HDAC9: variants seen among roughly 807,000 people sequenced by gnomAD.
HDAC9 encodes MEF-2 interacting transcription repressor (MITR) protein.
Under a neutral mutation model 139.4 loss-of-function variants are expected in HDAC9, and 41 were observed. The ratio of observed to expected loss-of-function variants is 0.29; its 90% confidence interval spans 0.23 to 0.38. The LOEUF (loss-of-function observed/expected upper bound fraction) is 0.38, where lower values mean the gene tolerates loss of function less well. Ranked by LOEUF, HDAC9 falls within the 10% of genes least tolerant of loss-of-function variation. The pLI is 1.00. For missense variants in HDAC9, 1,147 were observed against 1,297.0 expected, an observed-to-expected ratio of 0.88 and a Z score of 1.78; for synonymous variants, 517 against 476.2, an observed-to-expected ratio of 1.09 and a Z score of -1.12.
intron 1 of HDAC9, among the ~76,000 whole-genome samples, chr7:18,294,570 A>G (rs1407018098): frequency 6.6e-6 from 1 of 152,138 alleles, no homozygotes; most frequent in Non-Finnish European, 1.5e-5. Context: ...AAAGGTCAGC[A>G]TGGCTGAAAC....
At chr7:18,729,914 A>G (rs899959021) in intron 13 of HDAC9, among the ~76,000 whole-genome samples, 1 of 152,224 alleles carries the variant, frequency 6.6e-6, no homozygotes, top group African/African-American at 2.4e-5. Flanking sequence ...ATAAACACGA[A>G]TTTACTAGTT....
At chr7:18,778,528 A>T (rs116840690) in intron 16 of HDAC9, among the ~76,000 whole-genome samples, 1 of 152,048 alleles carries the variant, frequency 6.6e-6, no homozygotes, top group Non-Finnish European at 1.5e-5. Context: ...CACAGTGTGG[A>T]CATCAGATTA....
chr7:18,257,972 C>G (rs946709060), intron 2 of HDAC9, among the ~76,000 whole-genome samples: 1 of 152,276 alleles, frequency 6.6e-6, no homozygotes, highest in South Asian at 2.1e-4. Flanking sequence ...GAAAGGCAGA[C>G]TCTCCAACCC....
At chr7:18,290,548 C>G (rs1797738385) in intron 1 of HDAC9, 1 of 456,370 alleles carries the variant, frequency 2.2e-6, no homozygotes, top group Non-Finnish European at 4.4e-6. Context: ...TTTAAGAGAA[C>G]TGTGAAAAAG....
intron 1 of HDAC9, among the ~76,000 whole-genome samples, chr7:18,294,116 T>G (rs1302427994): frequency 6.6e-6 from 1 of 152,144 alleles, no homozygotes; most frequent in African/African-American, 2.4e-5. Flanking sequence ...AATCACAGTT[T>G]GTGCCCTCAG....
rs1783294111 is a variant in HDAC9, at chr7:18,699,383, CGT to C, written c.1732-28192_1732-28191del. 1.1e-4 allele frequency among the ~76,000 whole-genome samples: 17 copies of C among 151,344 alleles called. No individual in the cohort carries two copies. The South Asian group carries it at 3.3e-3, about 30-fold the overall frequency. On this transcript the variant is annotated intron_variant, in intron 12 of 25. Coordinates refer to ENST00000686413, the MANE Select transcript of HDAC9 (RefSeq NM_178425.4). Reference sequence around the variant, plus strand: ...GTGTGTCTGTGTGTGTGTGCGTGTACGTGTGTTTGTGTGTGTGTGTACGTGTG... The same window carrying C: ...GTGTGTCTGTGTGTGTGTGCGTGTACGTGTTTGTGTGTGTGTGTACGTGTG...
chr7:18,654,862 A>G (rs563659759), intron 11 of HDAC9, among the ~76,000 whole-genome samples: 1 of 152,232 alleles, frequency 6.6e-6, no homozygotes, highest in South Asian at 2.1e-4. Flanking sequence ...TTGCACGTGG[A>G]CCTGACGGTG....
intron 1 of HDAC9, among the ~76,000 whole-genome samples, chr7:18,113,776 TTGAAACATAGTAAGATA>T (rs1783787257): frequency 6.6e-6 from 1 of 152,254 alleles, no homozygotes; most frequent in Non-Finnish European, 1.5e-5. Flanking sequence ...TTTCTCTCAG[TTGAAACATAGTAAGATA>T]CAGAGCTTTT....
At position 18,593,923 on chromosome 7, in the gene HDAC9, A is replaced by G; in HGVS notation, c.558A>G (p.Thr186=). ...PKLWYTAAHH[T]SLDQSSPPLS... ...TCTTTTCTAGGGCTGCCCACCACAC[A>G]TCATTGGATCAAAGCTCTCCACCCC... is the stretch of plus-strand genomic sequence containing the variant. Residue 186 remains threonine (T), a synonymous_variant, in exon 6 of 26, where the codon ACA becomes ACG. Transcript: ENST00000686413. 6.2e-7 allele frequency: 1 copy of G among 1,612,862 alleles called. No individual in the cohort carries two copies. Among genetic ancestry groups the G allele is most frequent in the East Asian group, 2.2e-5 (1 of 44,874 alleles).
At position 18,705,859 on chromosome 7, in the gene HDAC9, A is replaced by AAAACT. The variant is rs1381163821; in HGVS notation, c.1732-21718_1732-21717insCTAAA. Among the ~76,000 whole-genome samples, 15 of 142,788 alleles carry AAAACT rather than the reference A, an allele frequency of 1.1e-4. 1 individual carries two copies. The highest frequency in any genetic ancestry group is 7.5e-5 in the Non-Finnish European group (5 of 67,002). 93.7% of individuals were successfully genotyped at this position (142,788 alleles called of 152,430 possible). On this transcript the variant is annotated intron_variant, in intron 12 of 25. Coordinates refer to ENST00000686413, the MANE Select transcript of HDAC9 (RefSeq NM_178425.4). ...CAGAGAGAGACTCTGTCTCAAAAAAAAAAATAAAATAAAATAAAATAAAAG... is the reference window on the plus strand; with the variant it reads ...CAGAGAGAGACTCTGTCTCAAAAAAAAAACTAAAATAAAATAAAATAAAATAAAAG...
At chr7:18,151,217 TCTCA>T (rs1222324604) in intron 1 of HDAC9, among the ~76,000 whole-genome samples, 2 of 152,236 alleles carry the variant, frequency 1.3e-5, no homozygotes, top group African/African-American at 4.8e-5. Context: ...AAGGTGGCTT[TCTCA>T]CTCAGGGGGA....
intron 1 of HDAC9, among the ~76,000 whole-genome samples, chr7:18,423,037 G>A (rs545620246): frequency 2.2e-3 from 338 of 152,162 alleles, no homozygotes; most frequent in Non-Finnish European, 3.7e-3. Context: ...GACTGCTATT[G>A]GGTAATTGAG....
At chr7:18,342,852 T>C (rs558123199) in intron 1 of HDAC9, among the ~76,000 whole-genome samples, 13 of 152,030 alleles carry the variant, frequency 8.6e-5, no homozygotes, top group Admixed American at 2.6e-4. Context: ...ATTTGCGTTA[T>C]GTGCAAGCAA....
chr7:18,148,704 C>T (rs2128117065), intron 1 of HDAC9, among the ~76,000 whole-genome samples: 1 of 152,266 alleles, frequency 6.6e-6, no homozygotes, highest in African/African-American at 2.4e-5. Context: ...AGGTGATCCT[C>T]CCTCATTGGC....
At position 18,253,974 on chromosome 7, in the gene HDAC9, T is replaced by C. The variant is rs182150053; in HGVS notation, c.25+91625T>C. ...TGGGAAATGTAATCTAGCCCTTTGCTGGGGAGGAAAAGAAAACAGAGTTTT... is the reference window on the plus strand; with the variant it reads ...TGGGAAATGTAATCTAGCCCTTTGCCGGGGAGGAAAAGAAAACAGAGTTTT... On this transcript the variant is annotated intron_variant, in intron 2 of 12. Coordinates refer to the HDAC9 transcript ENST00000417496. Among the ~76,000 whole-genome samples the C allele has an allele frequency of 3.0e-3, 463 of 152,304 alleles. 2 individuals carry two copies. Among genetic ancestry groups the C allele is most frequent in the Admixed American group, 4.2e-3 (64 of 15,306 alleles).
intron 7 of HDAC9, among the ~76,000 whole-genome samples, chr7:18,632,847 A>G (rs970448947): frequency 1.3e-5 from 2 of 152,066 alleles, no homozygotes; most frequent in Non-Finnish European, 1.5e-5. Flanking sequence ...GAGATAGTGT[A>G]AAGATCACAT....
chr7:18,378,704 C>T (rs775487810), intron 1 of HDAC9, among the ~76,000 whole-genome samples: 2 of 152,004 alleles, frequency 1.3e-5, no homozygotes, highest in Non-Finnish European at 2.9e-5. Context: ...TATGTATATG[C>T]ATAGTCTCTG....
chr7:18,129,324 A>G (rs1584217810), intron 1 of HDAC9, among the ~76,000 whole-genome samples: 2 of 152,058 alleles, frequency 1.3e-5, no homozygotes, highest in Non-Finnish European at 2.9e-5. Context: ...TCTCTCTGTA[A>G]TTCCAGAGTT....
chr7:18,859,005 G>C (rs1335555848), intron 21 of HDAC9, among the ~76,000 whole-genome samples: 1 of 152,154 alleles, frequency 6.6e-6, no homozygotes, highest in Non-Finnish European at 1.5e-5. Context: ...CAGTGAAATT[G>C]TCAAGCTTCC....
Sources: allele counts gnomAD v4.1 joint callset (sites outside exome capture counted in the v4.1 genomes callset), GRCh38; gene constraint gnomAD v4.1.1; transcripts MANE v1.5; gene names NCBI Gene and HGNC (gene_info 2026-07-23, HGNC 2026-07-21).